Variants in RNF103 observed in about 807,000 individuals in gnomAD.
The protein encoded by RNF103 is ring finger protein 103, also known as E3 ubiquitin-protein ligase RNF103.
A neutral mutation model predicts 66.2 loss-of-function variants in RNF103; 23 were observed. The ratio of observed to expected loss-of-function variants is 0.35; its 90% CI spans 0.25 to 0.49. RNF103 has a LOEUF of 0.49. RNF103 is among the 20% of genes least tolerant of loss of function. The pLI is 0.98. For missense variants in RNF103, 730 were observed against 814.7 expected, an observed-to-expected ratio of 0.90 and a Z score of 1.27; for synonymous variants, 297 against 289.9, an observed-to-expected ratio of 1.02 and a Z score of -0.25.
intron 3 of RNF103, 130 bp from the exon 4 acceptor site, chr2:86,605,548 C>T: frequency 2.3e-6 from 2 of 867,994 alleles, no homozygotes; most frequent in Non-Finnish European, 3.4e-6. Flanking sequence ...GGTACCACTA[C>T]TTGGCAGCTG....
rs202089104 is a variant in RNF103, at chr2:86,612,360, T to TA, written c.367-87dup. 7.0e-4 allele frequency: 499 copies of TA among 713,888 alleles called. 1 individual carries two copies. The East Asian group carries it at 7.0e-3, about 10-fold the overall frequency. The allele number at this position is 713,888 out of a possible 1,614,324, so 44.2% of individuals were successfully genotyped here. ...TTTACATCAACAATATAATTTCACT[T>TA]AAAAAAAAAGATATTCTGTTCCCAG... On this transcript the variant is annotated intron_variant, in intron 2 of 3. Coordinates refer to ENST00000237455, the MANE Select transcript of RNF103 (RefSeq NM_005667.4).
intron 1 of RNF103, 69 bp downstream of exon 1, chr2:86,622,592 A>T: frequency 6.8e-7 from 1 of 1,465,506 alleles, no homozygotes; most frequent in Non-Finnish European, 9.5e-7. Flanking sequence ...GGGAACAGCC[A>T]GGTACCAGGA....
At chr2:86,607,458 ACTGT>A (rs1678617530) in intron 3 of RNF103, among the ~76,000 whole-genome samples, 1 of 152,138 alleles carries the variant, frequency 6.6e-6, no homozygotes, top group Admixed American at 6.5e-5. Flanking sequence ...ACTCTGGAAA[ACTGT>A]CTAGGTGACT....
At chr2:86,621,613 T>C (rs1679231300) in intron 1 of RNF103, among the ~76,000 whole-genome samples, 1 of 152,132 alleles carries the variant, frequency 6.6e-6, no homozygotes, top group Non-Finnish European at 1.5e-5. Context: ...CCTACAAATA[T>C]CCAAGTGTTA....
At chr2:86,618,814 G>T (rs541705471) in intron 2 of RNF103, 2 of 152,286 alleles carry the variant, frequency 1.3e-5, no homozygotes, top group South Asian at 2.1e-4. Context: ...CCAGAGAAAA[G>T]AAACAGAATA....
intron 1 of RNF103, 144 bp downstream of exon 1, chr2:86,622,517 T>C (rs1435091410): frequency 4.1e-6 from 3 of 727,082 alleles, no homozygotes; most frequent in Non-Finnish European, 7.0e-6. Context: ...GCATACTTGA[T>C]TGTAGGAAGC....
chr2:86,614,027 C>T (rs1401919138), intron 2 of RNF103: 1 of 152,170 alleles, frequency 6.6e-6, no homozygotes, highest in Non-Finnish European at 1.5e-5. Context: ...AATACCTGGC[C>T]TCAGGGTTCC....
In RNF103 at chr2:86,605,243, C is replaced by T. The variant is rs1225187508; in HGVS notation, c.658G>A (p.Ala220Thr). ...TTCCATTCTTCTTTCAAGTGTTCAG[C>T]ATTATAAATGGTTTTGATCCGAGAA... ...AASRIKTIYN[A>T]EHLKEEWNKS... The change falls in exon 4 of 4, where the codon GCT becomes ACT. Residue 220 changes from alanine to threonine, a missense_variant. Transcript: ENST00000237455. 6.2e-7 allele frequency: 1 copy of T among 1,613,970 alleles called. No homozygotes were observed. Among genetic ancestry groups the T allele is most frequent in the Admixed American group, 1.7e-5 (1 of 59,994 alleles).
In RNF103 at chr2:86,620,475, G is replaced by A; in HGVS notation, c.227-6C>T. 6.4e-7 allele frequency: 1 copy of A among 1,561,840 alleles called. No individual in the cohort carries two copies. Among genetic ancestry groups the A allele is most frequent in the Non-Finnish European group, 8.7e-7 (1 of 1,146,414 alleles). Reference sequence around the variant, plus strand: ...CTCACCCTCCATCAAGTCACCTGAAGAAAGGAAAAGAATAACACTAATAAG... The same window carrying A: ...CTCACCCTCCATCAAGTCACCTGAAAAAAGGAAAAGAATAACACTAATAAG... On this transcript the variant is annotated splice_region_variant and splice_polypyrimidine_tract_variant and intron_variant, in intron 1 of 3. Transcript: ENST00000237455.
At position 86,605,192 on chromosome 2, in the gene RNF103, T is replaced by C; in HGVS notation, c.709A>G (p.Ile237Val). 4.3e-6 allele frequency: 7 copies of C among 1,613,906 alleles called. No individual in the cohort carries two copies. The highest frequency in any genetic ancestry group is 1.3e-5 in the African/African-American group (1 of 75,060). Reference sequence around the variant, plus strand: ...TGGTCAAGGTTTGCAAATAGGTATATTTTTAACCAATACTGATCACTTTTA... The same window carrying C: ...TGGTCAAGGTTTGCAAATAGGTATACTTTTAACCAATACTGATCACTTTTA... ...WNKSDQYWLK[I>V]YLFANLDQPP... is the part of the protein sequence containing the mutation. Residue 237 changes from isoleucine to valine, a missense_variant, in exon 4 of 4, where the codon ATA becomes GTA. Coordinates refer to ENST00000237455, the MANE Select transcript of RNF103 (RefSeq NM_005667.4).
chr2:86,622,370 A>C (rs416747), intron 1 of RNF103, among the ~76,000 whole-genome samples: 151,050 of 152,294 alleles, frequency 0.99, 74,913 homozygotes, highest in East Asian at 1. Flanking sequence ...TTGATATTCC[A>C]GAATTTTGAG....
chr2:86,616,622 A>G, intron 2 of RNF103: 1 of 985,352 alleles, frequency 1.0e-6, no homozygotes, highest in Non-Finnish European at 1.2e-6. Context: ...ATCAGCTATT[A>G]ACTCTTGTCA....
intron 2 of RNF103, chr2:86,617,465 T>C (rs1243551366): frequency 8.7e-6 from 4 of 461,430 alleles, no homozygotes; most frequent in Non-Finnish European, 8.5e-6. Context: ...GTTCTATTTT[T>C]ATTAGTTGTT....
chr2:86,616,297 A>T lies in RNF103; in HGVS notation c.367-4023T>A, dbSNP rs1679016181. The T allele has an allele frequency of 2.2e-5, 4 of 181,700 alleles. No individual in the cohort carries two copies. The South Asian group carries it at 7.5e-4, about 34-fold the overall frequency. The allele number at this position is 181,700 out of a possible 1,614,324, so 11.3% of individuals were successfully genotyped here. A position where few individuals can be genotyped will look rare whatever the true frequency, so the allele number is the denominator to read the frequency against. On this transcript the variant is annotated intron_variant, in intron 2 of 3. Coordinates refer to ENST00000237455, the MANE Select transcript of RNF103 (RefSeq NM_005667.4). ...CCTGGAACAATGAGAGTATTGTGCT[A>T]TGATATTTTCTGCATTCTCAGTATT... is the stretch of plus-strand genomic sequence containing the variant.
At chr2:86,622,463 C>G (rs1229279281) in intron 1 of RNF103, among the ~76,000 whole-genome samples, 198 bp downstream of exon 1, 1 of 152,216 alleles carries the variant, frequency 6.6e-6, no homozygotes, top group Non-Finnish European at 1.5e-5. Flanking sequence ...GATACACCAA[C>G]ACTCCTCCAA....
chr2:86,604,039 C>G lies in RNF103; in HGVS notation c.1862G>C (p.Cys621Ser). 6.2e-7 allele frequency: 1 copy of G among 1,614,126 alleles called. No homozygotes were observed. Reference protein sequence around the residue: ...WPADMLHCTECVVCLENFENG... With the variant: ...WPADMLHCTESVVCLENFENG... ...TTCAAAATTCTCTAGGCAAACAACACATTCAGTACAGTGCAGCATATCAGC... is the reference window on the plus strand; with the variant it reads ...TTCAAAATTCTCTAGGCAAACAACAGATTCAGTACAGTGCAGCATATCAGC... Residue 621 changes from cysteine (C) to serine (S), a missense_variant, in exon 4 of 4, where the codon TGT becomes TCT. Around this residue, in one of 3 missense-constraint regions of RNF103, gnomAD observed 355 missense variants for 351.9 expected, o/e 1.01. Transcript: ENST00000237455.
In RNF103 at chr2:86,623,200, A is replaced by G; in HGVS notation, c.-314T>C. The G allele has an allele frequency of 9.7e-7, 1 of 1,030,810 alleles. No individual in the cohort carries two copies. The highest frequency in any genetic ancestry group is 1.2e-6 in the Non-Finnish European group (1 of 861,446). The allele number at this position is 1,030,810 out of a possible 1,614,324, so 63.9% of individuals were successfully genotyped here. On this transcript the variant is annotated 5_prime_UTR_variant, in exon 1 of 4. Transcript: ENST00000237455. Reference sequence around the variant, plus strand: ...ACAGAAAGGAGAGGGGCGCGGGGAGAGCTCGCGGGGAAGAACAAAACGAGG... The same window carrying G: ...ACAGAAAGGAGAGGGGCGCGGGGAGGGCTCGCGGGGAAGAACAAAACGAGG...
chr2:86,622,995 C>A lies in RNF103; in HGVS notation c.-109G>T, dbSNP rs1295449093. On this transcript the variant is annotated 5_prime_UTR_variant, in exon 1 of 4. Transcript: ENST00000237455. The stretch of plus-strand genomic sequence containing the variant: ...AGCTTGGGCGAGGGCCCCGTGTCCA[C>A]GCGCGGGCCACCCGGCGCCGTCACT... 2.1e-6 allele frequency: 3 copies of A among 1,399,108 alleles called. No homozygotes were observed. The highest frequency in any genetic ancestry group is 2.8e-6 in the Non-Finnish European group (3 of 1,080,714). 86.7% of individuals were successfully genotyped at this position (1,399,108 alleles called of 1,614,324 possible).
At chr2:86,606,346 G>C (rs1678544851) in intron 3 of RNF103, among the ~76,000 whole-genome samples, 1 of 151,996 alleles carries the variant, frequency 6.6e-6, no homozygotes, top group South Asian at 2.1e-4. Flanking sequence ...TAAAAAAGTA[G>C]GTAATGAGAG....
Sources: allele counts gnomAD v4.1 joint callset (sites outside exome capture counted in the v4.1 genomes callset), GRCh38; gene constraint gnomAD v4.1.1; regional missense constraint gnomAD v4.1.1; transcripts MANE v1.5; gene names NCBI Gene and HGNC (gene_info 2026-07-23, HGNC 2026-07-21).